RUFY2: variants seen among roughly 807,000 people sequenced by gnomAD.
The protein encoded by RUFY2 is RUN and FYVE domain containing 2, also known as RUN and FYVE domain-containing protein 2.
RUFY2 carries 49 observed loss-of-function variants against 94.4 expected under a neutral mutation model. The observed-to-expected ratio is 0.52, with a 90% CI of 0.41 to 0.66. RUFY2 has a LOEUF of 0.66. Ranked by LOEUF, RUFY2 falls within the 30% of genes least tolerant of loss-of-function variation. The probability of loss-of-function intolerance (pLI) is 0.00; values close to 1 mark genes in which losing one functional copy is unlikely to be tolerated. For missense variants in RUFY2, 541 were observed against 692.8 expected (o/e 0.78, Z 2.46); for synonymous variants, 255 against 235.7 (o/e 1.08, Z -0.75).
intron 7 of RUFY2, among the ~76,000 whole-genome samples, chr10:68,387,585 G>A (rs149765432): frequency 1.0e-3 from 158 of 152,218 alleles, no homozygotes; most frequent in Admixed American, 3.4e-3. Context: ...TCATTCTTAG[G>A]TAGACAACTT....
At chr10:68,388,427 C>A (rs1589941667) in intron 7 of RUFY2, among the ~76,000 whole-genome samples, 1 of 152,148 alleles carries the variant, frequency 6.6e-6, no homozygotes. Context: ...CGCGCCATTG[C>A]ATTCCAGCCT....
At chr10:68,366,650 G>A (rs1407187912) in intron 13 of RUFY2, among the ~76,000 whole-genome samples, 1 of 148,616 alleles carries the variant, frequency 6.7e-6, no homozygotes, top group Non-Finnish European at 1.5e-5. Context: ...GCTGAGGCAC[G>A]AGAATTGCTT....
chr10:68,387,264 G>A (rs541077487), intron 7 of RUFY2, among the ~76,000 whole-genome samples: 39 of 152,200 alleles, frequency 2.6e-4, no homozygotes, highest in Admixed American at 2.3e-3. Flanking sequence ...GGCTGAGGCA[G>A]GAGAATCACT....
intron 13 of RUFY2, among the ~76,000 whole-genome samples, chr10:68,373,832 G>A (rs901696518): frequency 1.4e-4 from 21 of 152,004 alleles, no homozygotes; most frequent in African/African-American, 4.6e-4. Context: ...AGAAACTTTC[G>A]GCTGGGAGCA....
downstream of RUFY2, chr10:68,341,761 A>G (rs370095589): frequency 6.2e-7 from 1 of 1,600,270 alleles, no homozygotes; most frequent in African/African-American, 1.4e-5. Flanking sequence ...TTTTAAAGAT[A>G]ATCAGGGAGG....
Position 68,406,858 on chromosome 10 carries a change from G to A in RUFY2, c.4+328C>T, listed in dbSNP as rs763115788. ...CCTCCGCCACCCCCAAACCTGAAAA[G>A]TCATCGCCCCTCCCCGCCTGCTCCC... is the stretch of plus-strand genomic sequence containing the variant. On this transcript the variant is annotated intron_variant, in intron 1 of 17. Transcript: ENST00000602465. 5 of 1,610,816 alleles carry A rather than the reference G, an allele frequency of 3.1e-6. No individual in the cohort carries two copies. The East Asian group carries it at 8.9e-5, about 29-fold the overall frequency.
chr10:68,401,603 G>A lies in RUFY2; in HGVS notation c.296+17C>T, dbSNP rs1303713233. Reference sequence around the variant, plus strand: ...CACTTCTGTGGCTAGGGATGAACAAGTAATAGGCCTCCTTACTTCAGACCA... The same window carrying A: ...CACTTCTGTGGCTAGGGATGAACAAATAATAGGCCTCCTTACTTCAGACCA... On this transcript the variant is annotated intron_variant, in intron 3 of 17. Transcript: ENST00000602465. The A allele has an allele frequency of 2.7e-6, 4 of 1,486,124 alleles. No homozygotes were observed. The highest frequency in any genetic ancestry group is 3.8e-6 in the Non-Finnish European group (4 of 1,063,400). 92.1% of individuals were successfully genotyped at this position (1,486,124 alleles called of 1,614,324 possible). A position where few individuals can be genotyped will look rare whatever the true frequency, so the allele number is the denominator to read the frequency against.
intron 9 of RUFY2, 33 bp downstream of exon 9, chr10:68,384,018 G>C: frequency 6.3e-7 from 1 of 1,590,006 alleles, no homozygotes; most frequent in East Asian, 2.2e-5. Context: ...TTTCTGACAC[G>C]AGATTGTCTG....
chr10:68,365,047 T>A (rs1564798800), intron 13 of RUFY2, among the ~76,000 whole-genome samples: 1 of 152,336 alleles, frequency 6.6e-6, no homozygotes, highest in South Asian at 2.1e-4. Flanking sequence ...AACATTATAA[T>A]GTTGAGTACA....
chr10:68,350,479 T>C lies in RUFY2; in HGVS notation c.1600-4395A>G, dbSNP rs2046585025. The stretch of plus-strand genomic sequence containing the variant: ...CAACAGCATGGAAAAGAAAAAAAAG[T>C]CAACTCAGATATGAATCCAGTTTCC... On this transcript the variant is annotated intron_variant, in intron 16 of 17. Coordinates refer to ENST00000602465, the MANE Select transcript of RUFY2 (RefSeq NM_001330103.2). 1.3e-5 allele frequency among the ~76,000 whole-genome samples: 2 copies of C among 152,186 alleles called. 1 individual carries two copies. Among genetic ancestry groups the C allele is most frequent in the Middle Eastern group, 6.8e-3 (2 of 294 alleles).
At chr10:68,348,721 C>T (rs1333287824) in intron 16 of RUFY2, among the ~76,000 whole-genome samples, 4 of 152,126 alleles carry the variant, frequency 2.6e-5, no homozygotes, top group Non-Finnish European at 5.9e-5. Flanking sequence ...AACTACCTGC[C>T]GCCCTCCCAG....
intron 2 of RUFY2, among the ~76,000 whole-genome samples, chr10:68,403,579 A>G (rs1480137643): frequency 6.6e-6 from 1 of 152,110 alleles, no homozygotes; most frequent in Non-Finnish European, 1.5e-5. Context: ...AATAAAAACC[A>G]TGTTTTGCTC....
intron 13 of RUFY2, among the ~76,000 whole-genome samples, chr10:68,376,417 G>GA (rs2048641580): frequency 8.3e-6 from 1 of 120,242 alleles, no homozygotes; most frequent in African/African-American, 3.0e-5. Context: ...CAACAAGAGT[G>GA]AAACTTCATC....
chr10:68,353,496 C>CAA lies in RUFY2; in HGVS notation c.1599+1855_1599+1856dup, dbSNP rs1211739637. 2.1e-5 allele frequency among the ~76,000 whole-genome samples: 3 copies of CAA among 144,518 alleles called. No individual in the cohort carries two copies. In the East Asian group the frequency reaches 6.1e-4, roughly 29 times the overall value. 94.8% of individuals were successfully genotyped at this position (144,518 alleles called of 152,430 possible). A position where few individuals can be genotyped will look rare whatever the true frequency, so the allele number is the denominator to read the frequency against. ...TGGGTGAAGAAGCAAGACTCCGTCT[C>CAA]AAAAAAAAAAATACAGAGTAAGACG... On this transcript the variant is annotated intron_variant, in intron 16 of 17. Transcript: ENST00000602465.
intron 1 of RUFY2, chr10:68,405,640 C>T: frequency 1.1e-6 from 1 of 887,476 alleles, no homozygotes; most frequent in Non-Finnish European, 1.3e-6. Context: ...CAGTGTCATC[C>T]ACAACAAACA....
At chr10:68,341,679 G>C (rs146848138), downstream of RUFY2, 54 of 1,610,194 alleles carry the variant, frequency 3.4e-5, no homozygotes, top group African/African-American at 7.1e-4. Flanking sequence ...GAGATGGAAT[G>C]GGTATGTAAA....
At chr10:68,384,793 T>C (rs1034467589) in intron 8 of RUFY2, among the ~76,000 whole-genome samples, 1 of 152,176 alleles carries the variant, frequency 6.6e-6, no homozygotes, top group Non-Finnish European at 1.5e-5. Flanking sequence ...AATTAACACA[T>C]TTCTAAACAT....
intron 10 of RUFY2, 39 bp from the exon 11 acceptor site, chr10:68,381,438 A>T: frequency 1.3e-6 from 2 of 1,570,518 alleles, no homozygotes; most frequent in Non-Finnish European, 1.7e-6. Context: ...ATGCCACTTC[A>T]GGATGTAAAA....
intron 12 of RUFY2, chr10:68,378,818 TTA>T: frequency 3.4e-6 from 2 of 591,030 alleles, no homozygotes; most frequent in South Asian, 2.4e-5. Flanking sequence ...GCATTAATAG[TTA>T]TGTTTTTCAT....
Sources: allele counts gnomAD v4.1 joint callset (sites outside exome capture counted in the v4.1 genomes callset), GRCh38; gene constraint gnomAD v4.1.1; transcripts MANE v1.5; gene names NCBI Gene and HGNC (gene_info 2026-07-23, HGNC 2026-07-21).